Variants in EP300 observed in about 807,000 individuals in gnomAD.
EP300 encodes the protein histone acetyltransferase p300.
Under a neutral mutation model 264.0 loss-of-function variants are expected in EP300, and 31 were observed. That is an observed-to-expected ratio of 0.12 (90% CI 0.09 to 0.16). The LOEUF (loss-of-function observed/expected upper bound fraction) is 0.16, where lower values mean the gene tolerates loss of function less well. EP300 is among the 10% of genes least tolerant of loss of function. EP300 has a pLI of 1.00. For missense variants in EP300, 2,766 were observed against 3,052.9 expected, an observed-to-expected ratio of 0.91 and a Z score of 2.21; for synonymous variants, 1,340 against 1,045.4, an observed-to-expected ratio of 1.28 and a Z score of -5.44.
intron 14 of EP300, among the ~76,000 whole-genome samples, chr22:41,151,054 T>A (rs1461707283): frequency 1.3e-5 from 2 of 152,114 alleles, no homozygotes; most frequent in African/African-American, 4.8e-5. Context: ...GTTGAATCCT[T>A]ATTAATAGAA....
chr22:41,158,757 A>G, intron 19 of EP300: 3 of 475,674 alleles, frequency 6.3e-6, no homozygotes, highest in Non-Finnish European at 7.8e-6. Context: ...GTTGGCCTAG[A>G]TGGGTCTATA....
At position 41,092,813 on chromosome 22, in the gene EP300, C is replaced by T. The variant is rs763177046; in HGVS notation, c.-192C>T. The T allele has an allele frequency of 6.1e-4, 416 of 686,340 alleles. No homozygotes were observed. Among genetic ancestry groups the T allele is most frequent in the Non-Finnish European group, 9.0e-4 (344 of 381,174 alleles). 42.5% of individuals were successfully genotyped at this position (686,340 alleles called of 1,614,324 possible). ...CCCGGCCCCTCGCACTTGCCCTTACCTTTTCTATCGAGTCCGCATCCCTCT... is the reference window on the plus strand; with the variant it reads ...CCCGGCCCCTCGCACTTGCCCTTACTTTTTCTATCGAGTCCGCATCCCTCT... On this transcript the variant is annotated 5_prime_UTR_variant, in exon 1 of 31. Transcript: ENST00000263253.
chr22:41,178,650 C>T lies in EP300; in HGVS notation c.6939C>T (p.Val2313=), dbSNP rs563249540. ...ATCAAGTGCGCTCTCCCCAGCCTGT[C>T]CCTTCTCCACGGCCACAGTCCCAGC... is the stretch of plus-strand genomic sequence containing the variant. The part of the protein sequence containing the change: ...LSNQVRSPQP[V]PSPRPQSQPP... The change falls in exon 31 of 31, where the codon GTC becomes GTT. Residue 2313 remains valine (V), a synonymous_variant. Coordinates refer to ENST00000263253, the MANE Select transcript of EP300 (RefSeq NM_001429.4). The T allele has an allele frequency of 1.2e-6, 2 of 1,614,138 alleles. No individual in the cohort carries two copies. The highest frequency in any genetic ancestry group is 2.2e-5 in the East Asian group (1 of 44,878).
chr22:41,173,309 C>T (rs1297923428), intron 28 of EP300, among the ~76,000 whole-genome samples: 2 of 152,198 alleles, frequency 1.3e-5, no homozygotes, highest in African/African-American at 4.8e-5. Context: ...CTCTTCACTA[C>T]CCCAAAGTGC....
At chr22:41,109,754 T>C (rs1435974961) in intron 1 of EP300, among the ~76,000 whole-genome samples, 1 of 148,382 alleles carries the variant, frequency 6.7e-6, no homozygotes, top group Non-Finnish European at 1.5e-5. Flanking sequence ...ACGGATGGAG[T>C]TGGTTTTTTT....
intron 1 of EP300, among the ~76,000 whole-genome samples, chr22:41,093,905 G>C (rs2058688187): frequency 6.6e-6 from 1 of 152,192 alleles, no homozygotes; most frequent in South Asian, 2.1e-4. Context: ...TTCCAATCAT[G>C]AACTACAAAC....
chr22:41,132,187 C>T (rs2058923513), intron 6 of EP300, among the ~76,000 whole-genome samples: 1 of 146,384 alleles, frequency 6.8e-6, no homozygotes, highest in African/African-American at 2.5e-5. Context: ...CAGAGCAAGA[C>T]TCCATCTCAA....
At chr22:41,145,634 T>G (rs566929761) in intron 10 of EP300, among the ~76,000 whole-genome samples, 125 of 152,144 alleles carry the variant, frequency 8.2e-4, no homozygotes, top group Middle Eastern at 3.4e-3. Context: ...ATATTTTAGG[T>G]TTTTTTTGAG....
intron 2 of EP300, among the ~76,000 whole-genome samples, chr22:41,122,617 T>A (rs2058859053): frequency 6.6e-6 from 1 of 152,204 alleles, no homozygotes; most frequent in African/African-American, 2.4e-5. Context: ...AAATGTTCTT[T>A]AACTTTTTTT....
chr22:41,170,747 C>T (rs553999548), intron 27 of EP300, among the ~76,000 whole-genome samples, 176 bp downstream of exon 27: 66 of 149,078 alleles, frequency 4.4e-4, no homozygotes, highest in African/African-American at 1.5e-3. Flanking sequence ...CTTCAAGCTC[C>T]GCCTCCTGGG....
At chr22:41,105,920 T>G (rs1165146481) in intron 1 of EP300, among the ~76,000 whole-genome samples, 7 of 152,210 alleles carry the variant, frequency 4.6e-5, no homozygotes, top group Non-Finnish European at 5.9e-5. Context: ...GTATAAAACT[T>G]ACAAGTTTTC....
At position 41,151,855 on chromosome 22, in the gene EP300, T is replaced by C. The variant is rs769634882; in HGVS notation, c.2840T>C (p.Ile947Thr). Residue 947 changes from isoleucine (I) to threonine (T), a missense_variant, in exon 15 of 31, where the codon ATT becomes ACT. Ile to Thr is a moderately conservative substitution (Grantham distance 89). Transcript: ENST00000263253. ...CAGCTTTCCCAGCCAGCTGTAAGCA[T>C]TGAAGGACAGGTATCAAATCCTCCA... Reference protein sequence around the residue: ...ATPLSQPAVSIEGQVSNPPST... With the variant: ...ATPLSQPAVSTEGQVSNPPST... 3 of 1,614,034 alleles carry C rather than the reference T, an allele frequency of 1.9e-6. No individual in the cohort carries two copies. The South Asian group carries it at 3.3e-5, about 18-fold the overall frequency.
rs750891008 is a variant in EP300 at position 41,149,038 on chromosome 22, C to T, written c.2242C>T (p.Pro748Ser). The stretch of plus-strand genomic sequence containing the variant: ...GATTTGTGTTTTTTTTTTTTTTCAG[C>T]CTATGGGCTATGGGCCTCGTATGCA... The part of the protein sequence containing the change: ...QLAQPGALNP[P>S]MGYGPRMQQP... Residue 748 changes from proline to serine, a missense_variant and splice_region_variant, in exon 13 of 31, where the codon CCT becomes TCT. By Grantham distance (74) the Pro-to-Ser change is moderately conservative (BLOSUM62 -1). Coordinates refer to ENST00000263253, the MANE Select transcript of EP300 (RefSeq NM_001429.4). The T allele has an allele frequency of 3.1e-6, 5 of 1,610,102 alleles. No individual in the cohort carries two copies. Among genetic ancestry groups the T allele is most frequent in the Non-Finnish European group, 4.2e-6 (5 of 1,178,780 alleles).
chr22:41,101,107 C>T (rs2058729512), intron 1 of EP300, among the ~76,000 whole-genome samples: 1 of 152,130 alleles, frequency 6.6e-6, no homozygotes, highest in Non-Finnish European at 1.5e-5. Context: ...CAGAGTCTCA[C>T]TCTGTTTCCT....
At chr22:41,169,077 A>G (rs2059155974) in intron 25 of EP300, 1 of 671,796 alleles carries the variant, frequency 1.5e-6, no homozygotes, top group Non-Finnish European at 2.6e-6. Context: ...TGGTCATAGT[A>G]ATAAAGGATA....
chr22:41,154,364 A>G (rs1392197134), intron 16 of EP300, among the ~76,000 whole-genome samples: 1 of 98,104 alleles, frequency 1.0e-5, no homozygotes, highest in Non-Finnish European at 2.1e-5. Flanking sequence ...TAACACGAGT[A>G]TCTTGTGCAC....
In EP300 at chr22:41,107,551, T is replaced by C. The variant is rs935146245; in HGVS notation, c.95-9636T>C. ...TAACTAGAAAATTGTCTGATTTATG[T>C]TCATAGTACAGTGTTTGGGATTATA... On this transcript the variant is annotated intron_variant, in intron 1 of 30. Transcript: ENST00000263253. Among the ~76,000 whole-genome samples the C allele has an allele frequency of 2.6e-5, 4 of 152,324 alleles. No individual in the cohort carries two copies. In the East Asian group the frequency reaches 7.7e-4, roughly 29 times the overall value.
At chr22:41,167,826 G>GTTTTTTT (rs1192332279) in intron 23 of EP300, among the ~76,000 whole-genome samples, 206 of 32,016 alleles carry the variant, frequency 6.4e-3, no homozygotes, top group East Asian at 0.018. Flanking sequence ...TTTTTTTTTT[G>GTTTTTTT]TTTTTTTTTT....
chr22:41,107,163 T>A (rs926847784), intron 1 of EP300, among the ~76,000 whole-genome samples: 1 of 152,098 alleles, frequency 6.6e-6, no homozygotes, highest in Non-Finnish European at 1.5e-5. Context: ...CCTTCCAAAG[T>A]GCTGAGATTA....
Sources: allele counts gnomAD v4.1 joint callset (sites outside exome capture counted in the v4.1 genomes callset), GRCh38; gene constraint gnomAD v4.1.1; transcripts MANE v1.5; gene names NCBI Gene and HGNC (gene_info 2026-07-23, HGNC 2026-07-21).